MEOX1: variants seen among roughly 807,000 people sequenced by gnomAD.
MEOX1 encodes homeobox protein MOX-1.
A neutral mutation model predicts 23.2 loss-of-function variants in MEOX1; 17 were observed. That is an observed-to-expected ratio of 0.73 (90% confidence interval 0.50 to 1.10). MEOX1 has a LOEUF of 1.10. Among genes scored for constraint, MEOX1 ranks in the 50% least tolerant of loss-of-function variants. The pLI, the probability that MEOX1 is intolerant of heterozygous loss-of-function variation, is 0.00. For missense variants in MEOX1, 333 were observed against 332.2 expected (o/e 1.00, Z -0.02); for synonymous variants, 134 against 135.1 (o/e 0.99, Z 0.06).
intron 1 of MEOX1, among the ~76,000 whole-genome samples, chr17:43,644,705 GGA>G (rs1972769859): frequency 6.6e-6 from 1 of 152,230 alleles, no homozygotes; most frequent in Non-Finnish European, 1.5e-5. Flanking sequence ...CACGAGGTCA[GGA>G]GCTCGAGACC....
At chr17:43,643,711 T>A in intron 1 of MEOX1, 51 bp from the exon 2 acceptor site, 1 of 1,490,092 alleles carries the variant, frequency 6.7e-7, no homozygotes, top group Non-Finnish European at 9.1e-7. Flanking sequence ...GGAGACTCCA[T>A]TCCCTTTCTT....
intron 1 of MEOX1, among the ~76,000 whole-genome samples, chr17:43,654,020 T>C (rs1190972759): frequency 3.9e-5 from 6 of 152,176 alleles, no homozygotes; most frequent in African/African-American, 1.4e-4. Flanking sequence ...GTTTGAACCT[T>C]GTCCCTTGTT....
At chr17:43,647,496 C>T (rs191749244) in intron 1 of MEOX1, among the ~76,000 whole-genome samples, 1 of 152,342 alleles carries the variant, frequency 6.6e-6, no homozygotes, top group East Asian at 1.9e-4. Context: ...CCAAGGCTCT[C>T]CATATCTCCT....
chr17:43,641,992 C>A lies in MEOX1; in HGVS notation c.683G>T (p.Arg228Leu). The A allele has an allele frequency of 6.2e-7, 1 of 1,614,054 alleles. No individual in the cohort carries two copies. Among genetic ancestry groups the A allele is most frequent in the Non-Finnish European group, 8.5e-7 (1 of 1,179,972 alleles). Residue 228 changes from arginine (R) to leucine (L), a missense_variant, in exon 3 of 3, where the codon CGT becomes CTT. Arg to Leu is a moderately radical substitution (Grantham distance 102). Coordinates refer to ENST00000318579, the MANE Select transcript of MEOX1 (RefSeq NM_004527.4). ...WFQNRRMKWKRVKGGQPISPN... is the reference protein window; with the variant it reads ...WFQNRRMKWKLVKGGQPISPN... ...GGAGATGGGCTGACCTCCCTTCACA[C>A]GCTTCCACTTCATCCTTCGGTTCTG...
chr17:43,653,938 G>C (rs1269604580), intron 1 of MEOX1, among the ~76,000 whole-genome samples: 1 of 152,224 alleles, frequency 6.6e-6, no homozygotes, highest in East Asian at 1.9e-4. Context: ...AGCTAGGAAA[G>C]CTCTGGGGTC....
At chr17:43,646,229 C>T (rs1426043779) in intron 1 of MEOX1, among the ~76,000 whole-genome samples, 1 of 152,138 alleles carries the variant, frequency 6.6e-6, no homozygotes, top group Non-Finnish European at 1.5e-5. Flanking sequence ...GGAGCGTGGG[C>T]AGCAGGGAAG....
intron 1 of MEOX1, among the ~76,000 whole-genome samples, chr17:43,648,466 CAAAA>C (rs67553599): frequency 7.4e-5 from 8 of 107,484 alleles, no homozygotes; most frequent in Admixed American, 9.7e-5. Context: ...GACTCTGTCT[CAAAA>C]AAAAAAAAAA....
At chr17:43,645,948 G>A (rs1430094945) in intron 1 of MEOX1, among the ~76,000 whole-genome samples, 1 of 152,254 alleles carries the variant, frequency 6.6e-6, no homozygotes, top group Non-Finnish European at 1.5e-5. Context: ...ACCTCGCGCT[G>A]CGCGTCCGTG....
intron 2 of MEOX1, among the ~76,000 whole-genome samples, chr17:43,643,272 A>G (rs1343200581): frequency 1.3e-5 from 2 of 152,180 alleles, no homozygotes; most frequent in Admixed American, 1.3e-4. Context: ...GCGCCACTGC[A>G]CTCCAGCCTG....
chr17:43,658,821 C>T lies in MEOX1; in HGVS notation c.469+2245G>A, dbSNP rs1190717904. ...GCAAGCATTGCGGCAATAAAGATTTCCATGCTGAACAGTGAGTTTGTCTGG... is the reference window on the plus strand; with the variant it reads ...GCAAGCATTGCGGCAATAAAGATTTTCATGCTGAACAGTGAGTTTGTCTGG... On this transcript the variant is annotated intron_variant, in intron 1 of 2. Transcript: ENST00000318579. Among the ~76,000 whole-genome samples the T allele has an allele frequency of 2.0e-5, 3 of 152,160 alleles. No homozygotes were observed. In the East Asian group the frequency reaches 5.8e-4, roughly 29 times the overall value.
At chr17:43,643,146 TAA>T (rs58390408) in intron 2 of MEOX1, among the ~76,000 whole-genome samples, 1 of 146,546 alleles carries the variant, frequency 6.8e-6, no homozygotes, top group East Asian at 2.0e-4. Flanking sequence ...CCGCCTCTAC[TAA>T]AAAAAAAAAC....
chr17:43,661,762 C>T lies in MEOX1; in HGVS notation c.-228G>A, dbSNP rs1246867830. The stretch of plus-strand genomic sequence containing the variant: ...CCTATGTGTGTGCACACACCTATGT[C>T]GGGCTTGCTCCTGCCCCTCCAATGC... On this transcript the variant is annotated 5_prime_UTR_variant, in exon 1 of 3. Transcript: ENST00000318579. The T allele has an allele frequency of 1.5e-5, 6 of 411,416 alleles. No homozygotes were observed. The South Asian group carries it at 3.6e-4, about 25-fold the overall frequency. 25.5% of individuals were successfully genotyped at this position (411,416 alleles called of 1,614,324 possible).
chr17:43,658,217 T>A (rs962786477), intron 1 of MEOX1, among the ~76,000 whole-genome samples: 1 of 152,284 alleles, frequency 6.6e-6, no homozygotes, highest in East Asian at 1.9e-4. Context: ...GTAGTCAAGA[T>A]CAATAATATT....
intron 1 of MEOX1, among the ~76,000 whole-genome samples, chr17:43,658,331 AC>A (rs1023538260): frequency 1.4e-4 from 22 of 152,018 alleles, no homozygotes; most frequent in South Asian, 1.2e-3. Context: ...ACATGGTAAA[AC>A]CCCGACTCTA....
intron 1 of MEOX1, among the ~76,000 whole-genome samples, chr17:43,653,654 C>T (rs965347754): frequency 6.6e-6 from 1 of 150,572 alleles, no homozygotes; most frequent in South Asian, 2.1e-4. Context: ...GGACTGTAGG[C>T]GCATGCCACC....
At chr17:43,654,587 G>A (rs149698871) in intron 1 of MEOX1, among the ~76,000 whole-genome samples, 457 of 152,242 alleles carry the variant, frequency 3.0e-3, no homozygotes, top group Middle Eastern at 6.8e-3. Context: ...TTGGAAGGCC[G>A]AGGCAGGAGG....
chr17:43,645,531 C>T (rs1972791467), intron 1 of MEOX1, among the ~76,000 whole-genome samples: 1 of 152,144 alleles, frequency 6.6e-6, no homozygotes. Context: ...GGTGCTTTAC[C>T]GAAACCTGCG....
intron 1 of MEOX1, among the ~76,000 whole-genome samples, chr17:43,650,620 A>T (rs1972896225): frequency 6.6e-6 from 1 of 152,146 alleles, no homozygotes; most frequent in Non-Finnish European, 1.5e-5. Flanking sequence ...CTCCCCAGAG[A>T]GGGAAAAAGA....
intron 1 of MEOX1, among the ~76,000 whole-genome samples, chr17:43,652,582 G>A (rs993333408): frequency 2.0e-5 from 3 of 152,136 alleles, no homozygotes; most frequent in Non-Finnish European, 4.4e-5. Flanking sequence ...GACTCAGGGA[G>A]GGTTAGGACT....
Sources: gnomAD v4.1 joint callset for allele counts (sites outside exome capture counted in the v4.1 genomes callset) on GRCh38, gnomAD v4.1.1 for gene constraint, MANE v1.5 for transcripts, NCBI Gene and HGNC (gene_info 2026-07-23, HGNC 2026-07-21) for gene names.